Variants in TNFSF4 observed in about 807,000 individuals in gnomAD.
TNFSF4 encodes tumor necrosis factor ligand superfamily member 4.
A neutral mutation model predicts 7.3 loss-of-function variants in TNFSF4; 4 were observed. The observed-to-expected ratio is 0.55, with a 90% CI of 0.27 to 1.25. The LOEUF (loss-of-function observed/expected upper bound fraction) is 1.25. Among genes scored for constraint, TNFSF4 ranks in the 50% most tolerant of loss-of-function variants. The pLI is 0.12. For synonymous variants in TNFSF4, 76 were observed against 83.7 expected, an observed-to-expected ratio of 0.91 and a Z score of 0.50; for missense variants, 181 against 208.8, an observed-to-expected ratio of 0.87 and a Z score of 0.82.
At chr1:173,204,914 C>T (rs1217174309) in intron 1 of TNFSF4, among the ~76,000 whole-genome samples, 1 of 137,860 alleles carries the variant, frequency 7.3e-6, no homozygotes, top group African/African-American at 3.4e-5. Context: ...CACACACACA[C>T]ACACACACAA....
the TNFSF4 span, among the ~76,000 whole-genome samples, chr1:173,265,772 C>T: frequency 2.2e-4 from 33 of 152,150 alleles, no homozygotes; most frequent in Non-Finnish European, 4.6e-4. Flanking sequence ...TTCTTTCCCA[C>T]TAAATTTTCT....
At chr1:173,219,020 C>G in the TNFSF4 span, among the ~76,000 whole-genome samples, 2 of 151,108 alleles carry the variant, frequency 1.3e-5, no homozygotes, top group Non-Finnish European at 3.0e-5. Flanking sequence ...TATTCAAATT[C>G]TTTTTTTTTC....
At chr1:173,181,571 C>T (rs1237671245), downstream of TNFSF4, among the ~76,000 whole-genome samples, 1 of 152,088 alleles carries the variant, frequency 6.6e-6, no homozygotes, top group Non-Finnish European at 1.5e-5. Flanking sequence ...ACCATGGCAC[C>T]AGATTTCTCA....
the TNFSF4 span, among the ~76,000 whole-genome samples, chr1:173,298,128 C>T: frequency 2.6e-5 from 4 of 151,740 alleles, no homozygotes; most frequent in African/African-American, 9.7e-5. Context: ...ACGACCACAA[C>T]AAAAAGAGAG....
the TNFSF4 span, among the ~76,000 whole-genome samples, chr1:173,437,710 T>TA: frequency 6.6e-6 from 1 of 152,194 alleles, no homozygotes; most frequent in Non-Finnish European, 1.5e-5. Context: ...CCACATACAC[T>TA]AGGGTTCATA....
At chr1:173,211,205 T>A (rs1393805875), upstream of TNFSF4, among the ~76,000 whole-genome samples, 1 of 152,208 alleles carries the variant, frequency 6.6e-6, no homozygotes, top group East Asian at 1.9e-4. Flanking sequence ...GAGTCATAGA[T>A]AAACTCTGCC....
At chr1:173,275,041 A>G in the TNFSF4 span, among the ~76,000 whole-genome samples, 2 of 152,162 alleles carry the variant, frequency 1.3e-5, no homozygotes, top group African/African-American at 4.8e-5. Flanking sequence ...AAGCAACAGC[A>G]TAGGTGCTAA....
the TNFSF4 span, among the ~76,000 whole-genome samples, chr1:173,403,061 AG>A: frequency 1.3e-5 from 2 of 152,098 alleles, no homozygotes; most frequent in Non-Finnish European, 2.9e-5. Context: ...TATGTTGCCC[AG>A]GCTAATCTCA....
the TNFSF4 span, among the ~76,000 whole-genome samples, chr1:173,319,339 G>C: frequency 2.0e-5 from 3 of 152,242 alleles, no homozygotes; most frequent in African/African-American, 7.2e-5. Flanking sequence ...AGCAGCCCCA[G>C]TCAGGGGCTT....
chr1:173,267,077 C>T, the TNFSF4 span, among the ~76,000 whole-genome samples: 44,126 of 151,962 alleles, frequency 0.29, 6,526 homozygotes, highest in East Asian at 0.37. Flanking sequence ...GTGACTGTTA[C>T]CTGATTGTAT....
At chr1:173,215,913 C>T in the TNFSF4 span, among the ~76,000 whole-genome samples, 1 of 152,174 alleles carries the variant, frequency 6.6e-6, no homozygotes, top group African/African-American at 2.4e-5. Flanking sequence ...GGTCTGTGGT[C>T]TGTGTCCACA....
At chr1:173,381,827 G>A in the TNFSF4 span, among the ~76,000 whole-genome samples, 2,789 of 152,270 alleles carry the variant, frequency 0.018, 82 homozygotes, top group African/African-American at 0.063. Context: ...CTAAAGGATT[G>A]TAAACACACC....
the TNFSF4 span, among the ~76,000 whole-genome samples, chr1:173,247,489 G>T: frequency 6.6e-6 from 1 of 152,188 alleles, no homozygotes; most frequent in African/African-American, 2.4e-5. Flanking sequence ...TCAACTGAGG[G>T]CATTGAGCAG....
intron 1 of TNFSF4, among the ~76,000 whole-genome samples, chr1:173,195,998 C>T: frequency 6.6e-6 from 1 of 152,014 alleles, no homozygotes; most frequent in East Asian, 1.9e-4. Context: ...GAAAGCATGA[C>T]CTCACAAGCT....
chr1:173,371,553 G>A, the TNFSF4 span, among the ~76,000 whole-genome samples: 20 of 152,084 alleles, frequency 1.3e-4, no homozygotes, highest in African/African-American at 4.8e-4. Flanking sequence ...CTTAAGACCT[G>A]AAGCTCATAA....
At chr1:173,234,751 A>G in the TNFSF4 span, among the ~76,000 whole-genome samples, 47 of 152,124 alleles carry the variant, frequency 3.1e-4, no homozygotes, top group Admixed American at 3.1e-3. Flanking sequence ...CAATGAGAAC[A>G]CTTGGACACA....
chr1:173,302,209 T>C, the TNFSF4 span, among the ~76,000 whole-genome samples: 1 of 151,848 alleles, frequency 6.6e-6, no homozygotes, highest in Non-Finnish European at 1.5e-5. Context: ...AGCACAAATA[T>C]AGCTAGCATT....
the TNFSF4 span, among the ~76,000 whole-genome samples, chr1:173,321,314 T>C: frequency 6.6e-6 from 1 of 152,168 alleles, no homozygotes. Flanking sequence ...TTATACCTTA[T>C]ACAAAAATTA....
chr1:173,229,170 C>A, the TNFSF4 span, among the ~76,000 whole-genome samples: 3 of 152,146 alleles, frequency 2.0e-5, no homozygotes, highest in Admixed American at 6.5e-5. Flanking sequence ...ATGTTAAGGG[C>A]AGCAAGACAA....
Sources: allele counts gnomAD v4.1 joint callset (sites outside exome capture counted in the v4.1 genomes callset), GRCh38; gene constraint gnomAD v4.1.1; transcripts MANE v1.5; gene names NCBI Gene and HGNC (gene_info 2026-07-23, HGNC 2026-07-21).